The following MARCHF1 variants were observed in gnomAD, a reference collection of about 807,000 sequenced individuals.
MARCHF1 encodes the protein membrane associated ring-CH-type finger 1.
A neutral mutation model predicts 54.2 loss-of-function variants in MARCHF1; 40 were observed. The ratio of observed to expected loss-of-function variants is 0.74; its 90% CI spans 0.57 to 0.96. The LOEUF (loss-of-function observed/expected upper bound fraction) is 0.96, where lower values mean the gene tolerates loss of function less well. MARCHF1 is among the 40% of genes least tolerant of loss of function. The pLI is 0.00. For synonymous variants in MARCHF1, 236 were observed against 236.3 expected (o/e 1.00, Z 0.01); for missense variants, 586 against 656.5 (o/e 0.89, Z 1.17).
At chr4:164,078,190 AC>A (rs1331822450) in intron 2 of MARCHF1, among the ~76,000 whole-genome samples, 1 of 152,246 alleles carries the variant, frequency 6.6e-6, no homozygotes, top group Non-Finnish European at 1.5e-5. Flanking sequence ...ACCATGGAAT[AC>A]TATGCAGCCA....
At chr4:164,089,634 T>C (rs1322233390) in intron 2 of MARCHF1, among the ~76,000 whole-genome samples, 1 of 152,014 alleles carries the variant, frequency 6.6e-6, no homozygotes, top group African/African-American at 2.4e-5. Flanking sequence ...GGACCTTAAA[T>C]CTACTAATAT....
At chr4:164,322,899 A>C (rs1208030832) in intron 1 of MARCHF1, among the ~76,000 whole-genome samples, 1 of 151,974 alleles carries the variant, frequency 6.6e-6, no homozygotes, top group Non-Finnish European at 1.5e-5. Context: ...ATAAACTTGA[A>C]GATACCTAAA....
At chr4:164,045,979 A>T (rs904370666) in intron 2 of MARCHF1, among the ~76,000 whole-genome samples, 1 of 152,212 alleles carries the variant, frequency 6.6e-6, no homozygotes, top group African/African-American at 2.4e-5. Context: ...AAGACACAAG[A>T]TTCCTAAATC....
intron 4 of MARCHF1, among the ~76,000 whole-genome samples, chr4:163,753,542 G>A (rs775972580): frequency 1.3e-5 from 2 of 152,042 alleles, no homozygotes; most frequent in Non-Finnish European, 2.9e-5. Context: ...ACCTGGGATG[G>A]GGGGTGAGAG....
chr4:163,935,702 C>CTTTTTTTTTTTTTTTTTTTTTTTTTTTT (rs34331599), intron 3 of MARCHF1, among the ~76,000 whole-genome samples: 1 of 125,758 alleles, frequency 8.0e-6, no homozygotes, highest in Non-Finnish European at 1.7e-5. Context: ...TGCTTGCTTT[C>CTTTTTTTTTTTTTTTTTTTTTTTTTTTT]TTTTTTTTTT....
chr4:163,582,619 A>T (rs563564810), intron 8 of MARCHF1, among the ~76,000 whole-genome samples: 1 of 152,336 alleles, frequency 6.6e-6, no homozygotes, highest in Admixed American at 6.5e-5. Flanking sequence ...CAACATCATT[A>T]GCTAAATTAA....
chr4:163,767,344 T>G (rs1458703695), intron 4 of MARCHF1, among the ~76,000 whole-genome samples: 2 of 151,950 alleles, frequency 1.3e-5, no homozygotes, highest in Non-Finnish European at 2.9e-5. Context: ...TTGCCTTTTT[T>G]TTTTTTTTGA....
chr4:163,545,566 A>G, intron 9 of MARCHF1, 30 bp downstream of exon 9: 1 of 1,602,352 alleles, frequency 6.2e-7, no homozygotes, highest in Non-Finnish European at 8.5e-7. Flanking sequence ...TTTAGGATCC[A>G]AGAGGGTAAG....
At chr4:163,715,189 A>G (rs1364155838) in intron 4 of MARCHF1, among the ~76,000 whole-genome samples, 1 of 152,214 alleles carries the variant, frequency 6.6e-6, no homozygotes, top group Admixed American at 6.5e-5. Context: ...TGGCAGCAGT[A>G]TTGGATTAAT....
At chr4:163,657,310 T>C (rs1743183068) in intron 5 of MARCHF1, among the ~76,000 whole-genome samples, 1 of 151,884 alleles carries the variant, frequency 6.6e-6, no homozygotes. Context: ...CCATTCACAA[T>C]TGCTATAAAC....
At chr4:163,965,443 T>C (rs1039839998) in intron 3 of MARCHF1, among the ~76,000 whole-genome samples, 52 of 152,128 alleles carry the variant, frequency 3.4e-4, no homozygotes, top group African/African-American at 1.3e-3. Flanking sequence ...ATATGACGGA[T>C]ATAAGACAGA....
chr4:163,637,428 C>T (rs1306800823), intron 5 of MARCHF1, among the ~76,000 whole-genome samples: 10 of 152,034 alleles, frequency 6.6e-5, no homozygotes, highest in East Asian at 1.9e-4. Context: ...AAAAAGTGGG[C>T]GAAGGACATG....
chr4:163,840,887 C>T (rs570745494), intron 4 of MARCHF1, among the ~76,000 whole-genome samples: 1 of 151,806 alleles, frequency 6.6e-6, no homozygotes, highest in South Asian at 2.1e-4. Context: ...AAAGACATCA[C>T]GATATACAAC....
chr4:163,606,903 A>G (rs532470302), intron 7 of MARCHF1, among the ~76,000 whole-genome samples: 1 of 152,094 alleles, frequency 6.6e-6, no homozygotes, highest in African/African-American at 2.4e-5. Context: ...GACCTAGGGC[A>G]GGCTAATTAT....
intron 2 of MARCHF1, among the ~76,000 whole-genome samples, chr4:164,051,310 T>C (rs1754359910): frequency 6.6e-6 from 1 of 152,182 alleles, no homozygotes; most frequent in East Asian, 1.9e-4. Context: ...GAAATGCATG[T>C]TTCTATAGAC....
In MARCHF1 at chr4:163,550,294, AAAAAAAG is replaced by A. The variant is rs1358610622; in HGVS notation, c.1192-4558_1192-4552del. 3.6e-3 allele frequency among the ~76,000 whole-genome samples: 549 copies of A among 150,506 alleles called. 7 individuals are homozygous for A. The highest frequency in any genetic ancestry group is 0.026 in the Admixed American group (392 of 14,980). On this transcript the variant is annotated intron_variant, in intron 8 of 9. Coordinates refer to ENST00000514618, the MANE Select transcript of MARCHF1 (RefSeq NM_001394959.1). Reference sequence around the variant, plus strand: ...GAGACTCCGTCTCAAAAAAAAAAAAAAAAAAAGAAAAGAAAAGAAAAGAAAAAAGCAG... The same window carrying A: ...GAGACTCCGTCTCAAAAAAAAAAAAAAAAAGAAAAGAAAAGAAAAAAGCAG...
At chr4:163,931,126 T>C (rs1751663964) in intron 3 of MARCHF1, among the ~76,000 whole-genome samples, 2 of 152,130 alleles carry the variant, frequency 1.3e-5, no homozygotes, top group Non-Finnish European at 2.9e-5. Flanking sequence ...AGAAGGCTGA[T>C]ACGTGCAAGC....
At chr4:164,338,949 G>A (rs751018011) in intron 1 of MARCHF1, among the ~76,000 whole-genome samples, 1 of 151,932 alleles carries the variant, frequency 6.6e-6, no homozygotes, top group Non-Finnish European at 1.5e-5. Context: ...TACAGCCTGA[G>A]CAACAAGAGC....
intron 5 of MARCHF1, among the ~76,000 whole-genome samples, chr4:163,664,120 C>T (rs988418273): frequency 2.0e-4 from 31 of 152,138 alleles, no homozygotes; most frequent in Admixed American, 1.2e-3. Flanking sequence ...AAAAGCCTGA[C>T]AAAATGTTTA....
Sources: gnomAD v4.1 joint callset for allele counts (sites outside exome capture counted in the v4.1 genomes callset) on GRCh38, gnomAD v4.1.1 for gene constraint, MANE v1.5 for transcripts, NCBI Gene and HGNC (gene_info 2026-07-23, HGNC 2026-07-21) for gene names.